The following TSGA10 variants were observed in gnomAD, a reference collection of about 807,000 sequenced individuals.
The protein encoded by TSGA10 is testis specific 10.
Under a neutral mutation model 96.6 loss-of-function variants are expected in TSGA10, and 43 were observed. The ratio of observed to expected loss-of-function variants is 0.44; its 90% confidence interval spans 0.35 to 0.57. The LOEUF is 0.57. Ranked by LOEUF, TSGA10 falls within the 20% of genes least tolerant of loss-of-function variation. The pLI, the probability that TSGA10 is intolerant of heterozygous loss-of-function variation, is 0.01. For synonymous variants in TSGA10, 229 were observed against 269.9 expected, an observed-to-expected ratio of 0.85 and a Z score of 1.48; for missense variants, 703 against 834.4, an observed-to-expected ratio of 0.84 and a Z score of 1.94.
At chr2:99,071,642 C>T in intron 14 of TSGA10, 64 bp downstream of exon 14, 1 of 1,493,114 alleles carries the variant, frequency 6.7e-7, no homozygotes. Context: ...AAAATGAGGG[C>T]TGTTCCTCAC....
At chr2:99,071,616 A>T in intron 14 of TSGA10, 90 bp downstream of exon 14, 1 of 1,264,186 alleles carries the variant, frequency 7.9e-7, no homozygotes. Context: ...CCAGTGTCTG[A>T]GCTCTTCTAT....
intron 4 of TSGA10, among the ~76,000 whole-genome samples, chr2:99,113,272 G>T (rs1024045598): frequency 7.2e-5 from 11 of 152,128 alleles, no homozygotes; most frequent in African/African-American, 2.7e-4. Context: ...CACTTTTAAA[G>T]ATTAGAATAT....
chr2:99,067,702 A>C (rs2085423304), intron 15 of TSGA10, among the ~76,000 whole-genome samples: 1 of 151,990 alleles, frequency 6.6e-6, no homozygotes, highest in Admixed American at 6.6e-5. Context: ...AAAATACAAA[A>C]ATTAGCCGGG....
rs1389511242 is a variant in TSGA10 at position 99,065,026 on chromosome 2, ATTG to A, written c.1314_1316del (p.Asn439del). The stretch of plus-strand genomic sequence containing the variant: ...CAGTGATAAGTTCCAGTTTGAGGGT[ATTG>A]TTATCTGCCTCTGATTGACGGGCTT... On this transcript the variant is annotated inframe_deletion, in exon 16 of 21. Coordinates refer to ENST00000393483, the MANE Select transcript of TSGA10 (RefSeq NM_025244.4). 2 of 1,613,766 alleles carry A rather than the reference ATTG, an allele frequency of 1.2e-6. No individual in the cohort carries two copies. The highest frequency in any genetic ancestry group is 1.7e-6 in the Non-Finnish European group (2 of 1,179,920).
At chr2:99,095,721 A>C (rs1444509224) in intron 10 of TSGA10, among the ~76,000 whole-genome samples, 1 of 152,222 alleles carries the variant, frequency 6.6e-6, no homozygotes, top group Non-Finnish European at 1.5e-5. Context: ...GCTCACTGCA[A>C]CTTCTGACTC....
At chr2:99,036,073 C>T (rs2081601743) in intron 16 of TSGA10, among the ~76,000 whole-genome samples, 1 of 152,116 alleles carries the variant, frequency 6.6e-6, no homozygotes, top group African/African-American at 2.4e-5. Context: ...ATTCCACCCC[C>T]ACCCTTTTCT....
intron 16 of TSGA10, among the ~76,000 whole-genome samples, chr2:99,038,542 C>T (rs2081884956): frequency 6.6e-6 from 1 of 151,984 alleles, no homozygotes; most frequent in South Asian, 2.1e-4. Flanking sequence ...AAAGCAACAA[C>T]AGTTAAAAAA....
intron 20 of TSGA10, among the ~76,000 whole-genome samples, chr2:99,004,822 T>G (rs935226615): frequency 5.3e-5 from 8 of 152,178 alleles, no homozygotes; most frequent in African/African-American, 1.7e-4. Flanking sequence ...TACCAAAGGC[T>G]GGCAGAGACA....
chr2:99,063,505 G>A (rs186702809), intron 16 of TSGA10, among the ~76,000 whole-genome samples: 11 of 152,090 alleles, frequency 7.2e-5, no homozygotes, highest in East Asian at 3.9e-4. Flanking sequence ...AGAGAATTCC[G>A]TTAAAAATCA....
At chr2:99,059,065 TA>T (rs2084344612) in intron 16 of TSGA10, among the ~76,000 whole-genome samples, 3 of 109,874 alleles carry the variant, frequency 2.7e-5, no homozygotes, top group African/African-American at 5.3e-5. Context: ...TATATATATA[TA>T]TATTTATATA....
rs575635395 is a variant in TSGA10 at position 99,071,701 on chromosome 2, T to C, written c.1107+5A>G. The C allele has an allele frequency of 3.7e-4, 595 of 1,608,712 alleles. 8 individuals carry two copies. In the South Asian group the frequency reaches 6.1e-3, roughly 17 times the overall value. The stretch of plus-strand genomic sequence containing the variant: ...TGGAGAAAATGATTCTAGGAACAAG[T>C]GTACCTGGTTTTCTTGTTTAGCTTT... On this transcript the variant is annotated splice_donor_5th_base_variant and intron_variant, in intron 14 of 20. Transcript: ENST00000393483.
chr2:99,071,927 C>G, intron 13 of TSGA10, 53 bp from the exon 14 acceptor site: 5 of 1,480,226 alleles, frequency 3.4e-6, no homozygotes, highest in Non-Finnish European at 4.6e-6. Flanking sequence ...TGAAACAGAG[C>G]AACAAATTCT....
chr2:99,100,686 G>A (rs1343439992), intron 10 of TSGA10, among the ~76,000 whole-genome samples: 1 of 151,908 alleles, frequency 6.6e-6, no homozygotes, highest in African/African-American at 2.4e-5. Flanking sequence ...CAGGCGCGGT[G>A]GCGGGCGCCT....
intron 1 of TSGA10, among the ~76,000 whole-genome samples, chr2:99,140,490 A>G (rs189990630): frequency 4.6e-5 from 7 of 152,124 alleles, no homozygotes; most frequent in Admixed American, 3.9e-4. Context: ...CGAAAAAAAA[A>G]AAGTGAAAAA....
At chr2:99,043,781 A>G (rs2082445473) in intron 16 of TSGA10, among the ~76,000 whole-genome samples, 1 of 152,168 alleles carries the variant, frequency 6.6e-6, no homozygotes, top group African/African-American at 2.4e-5. Context: ...ATTCTTGTCA[A>G]CCAAGAAGCC....
chr2:99,077,126 CCTTTTTTT>C (rs1211462341), intron 12 of TSGA10, among the ~76,000 whole-genome samples: 78 of 124,514 alleles, frequency 6.3e-4, no homozygotes, highest in African/African-American at 2.3e-3. Context: ...GGACCATTCA[CCTTTTTTT>C]TTTTTTTTTT....
At chr2:99,081,197 C>T (rs1391323218) in intron 11 of TSGA10, 85 bp downstream of exon 11, 1 of 631,028 alleles carries the variant, frequency 1.6e-6, no homozygotes, top group Admixed American at 3.1e-5. Context: ...CCAAGTTTTT[C>T]TATGTTATAC....
At chr2:99,010,202 A>T (rs954796153) in intron 20 of TSGA10, among the ~76,000 whole-genome samples, 4 of 152,220 alleles carry the variant, frequency 2.6e-5, no homozygotes, top group African/African-American at 9.6e-5. Context: ...TTAAAATACA[A>T]TTTATGGGGC....
chr2:99,116,382 A>G lies in TSGA10; in HGVS notation c.-140+1162T>C, dbSNP rs539831048. 5.6e-4 allele frequency among the ~76,000 whole-genome samples: 86 copies of G among 152,316 alleles called. 1 individual carries two copies. Among genetic ancestry groups the G allele is most frequent in the South Asian group, 2.5e-3 (12 of 4,828 alleles). ...ATCAAGAAAAAAAATGTTGATCAAA[A>G]TATCATAAAGCTACAGTAACTAAAA... On this transcript the variant is annotated intron_variant, in intron 4 of 20. Coordinates refer to ENST00000393483, the MANE Select transcript of TSGA10 (RefSeq NM_025244.4).
Sources: gnomAD v4.1 joint callset for allele counts (sites outside exome capture counted in the v4.1 genomes callset) on GRCh38, gnomAD v4.1.1 for gene constraint, MANE v1.5 for transcripts, NCBI Gene and HGNC (gene_info 2026-07-23, HGNC 2026-07-21) for gene names.